IRAG1: variants seen among roughly 807,000 people sequenced by gnomAD.
IRAG1 encodes the protein inositol 1,4,5-triphosphate receptor associated 1, also known as IP3R-associated cGMP kinase substrate.
Under a neutral mutation model 106.2 loss-of-function variants are expected in IRAG1, and 62 were observed. The ratio of observed to expected loss-of-function variants is 0.58; its 90% CI spans 0.48 to 0.72. The LOEUF (loss-of-function observed/expected upper bound fraction) is 0.72, where lower values mean the gene tolerates loss of function less well. Ranked by LOEUF, IRAG1 falls within the 30% of genes least tolerant of loss-of-function variation. The probability of loss-of-function intolerance (pLI) is 0.00; values close to 1 mark genes in which losing one functional copy is unlikely to be tolerated. For synonymous variants in IRAG1, 462 were observed against 443.9 expected (o/e 1.04, Z -0.51); for missense variants, 1,064 against 1,140.7 (o/e 0.93, Z 0.97).
intron 2 of IRAG1, among the ~76,000 whole-genome samples, chr11:10,649,366 G>C (rs570903998): frequency 1.5e-4 from 23 of 152,336 alleles, no homozygotes; most frequent in African/African-American, 5.1e-4. Flanking sequence ...TGGTCCCTCA[G>C]GCTATAGAAG....
chr11:10,589,439 T>C (rs571997632), intron 18 of IRAG1, among the ~76,000 whole-genome samples: 1 of 152,282 alleles, frequency 6.6e-6, no homozygotes, highest in East Asian at 1.9e-4. Flanking sequence ...TATTTATTTA[T>C]TTGTATTTTT....
At position 10,627,589 on chromosome 11, in the gene IRAG1, C is replaced by T. The variant is rs1856347700; in HGVS notation, c.750+127G>A. On this transcript the variant is annotated intron_variant, in intron 8 of 20. Coordinates refer to ENST00000423302, the MANE Select transcript of IRAG1 (RefSeq NM_130385.4). ...GCAGGGGAATCTGCTGTTTCCCCAG[C>T]CCTGACCCTCCACTCATACGTGTGC... 1.7e-5 allele frequency: 17 copies of T among 978,728 alleles called. No individual in the cohort carries two copies. The East Asian group carries it at 4.1e-4, about 24-fold the overall frequency. The allele number at this position is 978,728 out of a possible 1,614,324, so 60.6% of individuals were successfully genotyped here. A position where few individuals can be genotyped will look rare whatever the true frequency, so the allele number is the denominator to read the frequency against.
At chr11:10,678,744 C>G (rs900904450) in intron 1 of IRAG1, among the ~76,000 whole-genome samples, 1 of 152,240 alleles carries the variant, frequency 6.6e-6, no homozygotes, top group Non-Finnish European at 1.5e-5. Context: ...TGGACCTCTG[C>G]AAACACTCTA....
rs1859736422 is a variant in IRAG1, at chr11:10,665,704, G to A, written c.68-13522C>T. Reference sequence around the variant, plus strand: ...GGTGGAGACTCCCATGTGCAGGACAGGAAGGAAGCTCACACCTTGCCGACT... The same window carrying A: ...GGTGGAGACTCCCATGTGCAGGACAAGAAGGAAGCTCACACCTTGCCGACT... On this transcript the variant is annotated intron_variant, in intron 1 of 20. Transcript: ENST00000423302. The surrounding 1 kb of genome is among the most constrained non-coding windows in gnomAD (Gnocchi z 4.2). Among the ~76,000 whole-genome samples, 2 of 152,206 alleles carry A rather than the reference G, an allele frequency of 1.3e-5. No homozygotes were observed. The highest frequency in any genetic ancestry group is 2.1e-4 in the South Asian group (1 of 4,828).
At chr11:10,687,490 T>C (rs1861747332) in intron 1 of IRAG1, 4 of 315,878 alleles carry the variant, frequency 1.3e-5, no homozygotes, top group Non-Finnish European at 2.2e-5. Flanking sequence ...CTCAATGCAA[T>C]ATTAGAAAAC....
intron 14 of IRAG1, among the ~76,000 whole-genome samples, chr11:10,601,546 G>A (rs1290528142): frequency 2.0e-5 from 3 of 152,166 alleles, no homozygotes; most frequent in East Asian, 1.9e-4. Context: ...TGGGACAATC[G>A]ACATAATAAA....
chr11:10,620,610 TAAA>T (rs1855762668), intron 10 of IRAG1, among the ~76,000 whole-genome samples: 1 of 152,148 alleles, frequency 6.6e-6, no homozygotes, highest in Non-Finnish European at 1.5e-5. Context: ...CTAATAATAA[TAAA>T]CTTAAAACAA....
intron 15 of IRAG1, among the ~76,000 whole-genome samples, chr11:10,600,144 T>C (rs544829712): frequency 1.3e-5 from 2 of 152,318 alleles, no homozygotes; most frequent in East Asian, 3.9e-4. Flanking sequence ...ACTCCTATTT[T>C]TACTTTAAAA....
Position 10,609,741 on chromosome 11 carries a change from T to G in IRAG1, c.1558A>C (p.Ser520Arg). ...VLLRKLRVHR[S>R]LPGSAPPLTE... ...TCCTGATTTTACCTTCCAGGGAGAC[T>G]CCTGTGGACCCGCAGTTTGCGCAGC... The change falls in exon 11 of 21, where the codon AGT becomes CGT. Residue 520 changes from serine (S) to arginine (R), a missense_variant. Physicochemically the swap from Ser to Arg is moderately radical, Grantham distance 110. Transcript: ENST00000423302. The G allele has an allele frequency of 6.2e-7, 1 of 1,613,886 alleles. No homozygotes were observed. Among genetic ancestry groups the G allele is most frequent in the Non-Finnish European group, 8.5e-7 (1 of 1,179,828 alleles).
In IRAG1 at chr11:10,680,524, AAAGGAAGG is replaced by A. The variant is rs368939954; in HGVS notation, c.67+13004_67+13011del. On this transcript the variant is annotated intron_variant, in intron 1 of 20. Coordinates refer to ENST00000423302, the MANE Select transcript of IRAG1 (RefSeq NM_130385.4). ...GAGAGAAAGGGAAAAAGAAAGGAAG[AAAGGAAGG>A]AAGGAAGGGGAAGGGGAAGGGGAAG... Among the ~76,000 whole-genome samples, 61 of 139,144 alleles carry A rather than the reference AAAGGAAGG, an allele frequency of 4.4e-4. 2 individuals carry two copies. The South Asian group carries it at 8.8e-3, about 20-fold the overall frequency. 91.3% of individuals were successfully genotyped at this position (139,144 alleles called of 152,430 possible). A position where few individuals can be genotyped will look rare whatever the true frequency, so the allele number is the denominator to read the frequency against.
Position 10,626,167 on chromosome 11 carries a change from C to T in IRAG1, c.1167G>A (p.Leu389=), listed in dbSNP as rs980012789. 1 of 1,541,334 alleles carries T rather than the reference C, an allele frequency of 6.5e-7. No homozygotes were observed. Among genetic ancestry groups the T allele is most frequent in the Non-Finnish European group, 8.7e-7 (1 of 1,143,620 alleles). ...CACTGTCCCAGGAGAGCCCTCGCAG[C>T]AGCGGGGGCCGGGACACAGTGGGTG... ...ELPPTVSRPP[L]LRGLSWDSGP... The change falls in exon 9 of 21, where the codon CTG becomes CTA. Residue 389 remains leucine (L), a synonymous_variant. Transcript: ENST00000423302.
chr11:10,624,323 C>T (rs569861162), intron 9 of IRAG1, among the ~76,000 whole-genome samples: 2 of 152,254 alleles, frequency 1.3e-5, no homozygotes, highest in Admixed American at 1.3e-4. Context: ...TGCTCACTTC[C>T]AGGAGCTGCG....
chr11:10,620,412 T>C (rs1034543010), intron 10 of IRAG1, among the ~76,000 whole-genome samples: 40 of 152,096 alleles, frequency 2.6e-4, no homozygotes, highest in African/African-American at 6.0e-4. Flanking sequence ...CTAATATCTA[T>C]AATGTATCAA....
intron 10 of IRAG1, among the ~76,000 whole-genome samples, chr11:10,615,024 G>A (rs1855283346): frequency 1.3e-5 from 2 of 152,148 alleles, no homozygotes; most frequent in South Asian, 4.1e-4. Context: ...GAAAATTTTT[G>A]CAATCTACTC....
Position 10,628,622 on chromosome 11 carries a change from G to T in IRAG1, c.652+129C>A. On this transcript the variant is annotated intron_variant, in intron 6 of 20. Transcript: ENST00000423302. The surrounding 1 kb of genome is among the most constrained non-coding windows in gnomAD (Gnocchi z 4.1). ...CCCCCTGGAGAGGGGTCTTGCTCTG[G>T]GTGTGAAGGGGCCATCAGAGTTCTT... 1.3e-6 allele frequency: 1 copy of T among 755,634 alleles called. No homozygotes were observed. The highest frequency in any genetic ancestry group is 2.0e-6 in the Non-Finnish European group (1 of 489,168). The allele number at this position is 755,634 out of a possible 1,614,324, so 46.8% of individuals were successfully genotyped here.
intron 1 of IRAG1, among the ~76,000 whole-genome samples, chr11:10,692,884 C>T (rs544064358): frequency 5.3e-5 from 8 of 152,318 alleles, no homozygotes; most frequent in African/African-American, 1.7e-4. Flanking sequence ...CTCTAGGAAT[C>T]GCTTCAACTC....
At chr11:10,626,612 C>G in intron 8 of IRAG1, 29 bp from the exon 9 acceptor site, 1 of 1,560,370 alleles carries the variant, frequency 6.4e-7, no homozygotes, top group South Asian at 1.2e-5. Context: ...AGCTGGAACC[C>G]TCGGGGGCAG....
intron 18 of IRAG1, among the ~76,000 whole-genome samples, chr11:10,590,637 T>G (rs766598273): frequency 4.5e-5 from 6 of 134,056 alleles, no homozygotes; most frequent in Non-Finnish European, 9.5e-5. Flanking sequence ...GCAGCAGGTG[T>G]GATCCAGATG....
chr11:10,675,657 T>A (rs1041708373), intron 1 of IRAG1, among the ~76,000 whole-genome samples: 5 of 152,332 alleles, frequency 3.3e-5, no homozygotes, highest in African/African-American at 1.2e-4. Flanking sequence ...TTCATCATCA[T>A]GAAGACTTGT....
Sources: gnomAD v4.1 joint callset for allele counts (sites outside exome capture counted in the v4.1 genomes callset) on GRCh38, gnomAD v4.1.1 for gene constraint, Gnocchi (gnomAD v3.1) non-coding constraint, MANE v1.5 for transcripts, NCBI Gene and HGNC (gene_info 2026-07-23, HGNC 2026-07-21) for gene names.